TOGARAM2: variants seen among roughly 807,000 people sequenced by gnomAD.
The protein encoded by TOGARAM2 is TOG array regulator of axonemal microtubules 2.
Under a neutral mutation model 93.3 loss-of-function variants are expected in TOGARAM2, and 85 were observed. That is an observed-to-expected ratio of 0.91 (90% confidence interval 0.76 to 1.09). The LOEUF (loss-of-function observed/expected upper bound fraction) is 1.09. TOGARAM2 is among the 50% of genes least tolerant of loss of function. The probability of loss-of-function intolerance (pLI) is 0.00; values close to 1 mark genes in which losing one functional copy is unlikely to be tolerated. For missense variants in TOGARAM2, 1,277 were observed against 1,334.5 expected, an observed-to-expected ratio of 0.96 and a Z score of 0.67; for synonymous variants, 593 against 552.8, an observed-to-expected ratio of 1.07 and a Z score of -1.02.
intron 1 of TOGARAM2, among the ~76,000 whole-genome samples, chr2:28,984,162 T>A (rs985516605): frequency 2.0e-5 from 3 of 152,240 alleles, no homozygotes; most frequent in South Asian, 2.1e-4. Flanking sequence ...GTTTCCCATT[T>A]CGTGTTTTAA....
intron 16 of TOGARAM2, among the ~76,000 whole-genome samples, chr2:29,034,201 GA>G (rs142811695): frequency 0.021 from 3,133 of 152,274 alleles, 117 homozygotes; most frequent in African/African-American, 0.071. Flanking sequence ...CAGCACCTGG[GA>G]TAAGCAAAAC....
chr2:28,959,158 C>G (rs1383323265), intron 1 of TOGARAM2, among the ~76,000 whole-genome samples: 1 of 152,198 alleles, frequency 6.6e-6, no homozygotes, highest in Non-Finnish European at 1.5e-5. Flanking sequence ...GCTACAGATG[C>G]TAACCCGAAA....
At chr2:29,022,424 G>C (rs1038256029) in intron 11 of TOGARAM2, 116 bp downstream of exon 11, 2 of 1,423,766 alleles carry the variant, frequency 1.4e-6, no homozygotes, top group Non-Finnish European at 1.9e-6. Context: ...GCACCATGGA[G>C]CATAAAAGCC....
In TOGARAM2 at chr2:29,000,581, T is replaced by A. The variant is rs181736204; in HGVS notation, c.427+1113T>A. Among the ~76,000 whole-genome samples, 374 of 152,314 alleles carry A rather than the reference T, an allele frequency of 2.5e-3. 1 individual carries two copies. Among genetic ancestry groups the A allele is most frequent in the Middle Eastern group, 6.8e-3 (2 of 294 alleles). On this transcript the variant is annotated intron_variant, in intron 4 of 19. Transcript: ENST00000379558. ...ACGGGCTCTTTTCAGCGGAATGAAC[T>A]CTTGGGTAACAAGAGCAATAAGAAG...
intron 14 of TOGARAM2, 54 bp downstream of exon 14, chr2:29,027,065 T>C (rs1665432023): frequency 4.0e-6 from 6 of 1,481,546 alleles, no homozygotes; most frequent in Admixed American, 2.3e-5. Context: ...CAGCCAGCCC[T>C]GAGGGGCCTG....
chr2:29,026,655 G>A (rs1311380429), intron 13 of TOGARAM2, among the ~76,000 whole-genome samples, 198 bp from the exon 14 acceptor site: 4 of 152,196 alleles, frequency 2.6e-5, no homozygotes, highest in African/African-American at 4.8e-5. Flanking sequence ...TCCCTCTCCC[G>A]TTGTTGCTGT....
At chr2:29,018,145 C>A in intron 10 of TOGARAM2, 189 bp downstream of exon 10, 1 of 644,712 alleles carries the variant, frequency 1.6e-6, no homozygotes, top group Non-Finnish European at 2.5e-6. Context: ...TCATTGTCTA[C>A]AGGCTGGGCT....
At chr2:28,991,696 G>A (rs1386049651) in intron 1 of TOGARAM2, among the ~76,000 whole-genome samples, 1 of 152,158 alleles carries the variant, frequency 6.6e-6, no homozygotes, top group Non-Finnish European at 1.5e-5. Flanking sequence ...TGGACTGTGC[G>A]AGGCCCGGGT....
Position 29,044,467 on chromosome 2 carries a change from C to T in TOGARAM2, c.2636-857C>T, listed in dbSNP as rs181143422. Among the ~76,000 whole-genome samples, 393 of 152,266 alleles carry T rather than the reference C, an allele frequency of 2.6e-3. 2 individuals are homozygous for T. Among genetic ancestry groups the T allele is most frequent in the African/African-American group, 8.4e-3 (350 of 41,556 alleles). On this transcript the variant is annotated intron_variant, in intron 18 of 19. Transcript: ENST00000379558. ...CCAGAGCCAGCCGGGTGCTTCTGCT[C>T]TGGATAGGATGACCAAGCATCCTGG...
intron 12 of TOGARAM2, 110 bp downstream of exon 12, chr2:29,023,301 C>T (rs1665097264): frequency 5.7e-6 from 5 of 883,794 alleles, no homozygotes; most frequent in Non-Finnish European, 8.7e-6. Context: ...GGGATCCCTG[C>T]TTATTTCTCA....
chr2:29,022,626 C>T (rs545697672), intron 11 of TOGARAM2, among the ~76,000 whole-genome samples: 6 of 152,310 alleles, frequency 3.9e-5, no homozygotes, highest in South Asian at 4.2e-4. Flanking sequence ...CCAGGAAGGC[C>T]GCAGCCCTTT....
At chr2:29,012,078 A>C (rs1256775374) in intron 7 of TOGARAM2, among the ~76,000 whole-genome samples, 1 of 152,204 alleles carries the variant, frequency 6.6e-6, no homozygotes, top group Non-Finnish European at 1.5e-5. Flanking sequence ...GAGAGGGGAC[A>C]GGGCAGGGTA....
intron 3 of TOGARAM2, 91 bp from the exon 4 acceptor site, chr2:28,999,090 G>A (rs1572661527): frequency 1.5e-6 from 2 of 1,370,656 alleles, no homozygotes; most frequent in East Asian, 2.4e-5. Flanking sequence ...GTGGCTGCCT[G>A]TTAGAAGGAA....
chr2:28,994,991 C>A, intron 2 of TOGARAM2, 129 bp downstream of exon 2: 1 of 1,157,976 alleles, frequency 8.6e-7, no homozygotes, highest in Non-Finnish European at 1.2e-6. Context: ...AGCCAGGTGG[C>A]CGTGCCTTTC....
intron 4 of TOGARAM2, 107 bp downstream of exon 4, chr2:28,999,575 G>A (rs1673178249): frequency 1.5e-6 from 2 of 1,305,760 alleles, no homozygotes; most frequent in Non-Finnish European, 2.1e-6. Flanking sequence ...ATGCTGGGAT[G>A]CCCTGGGGGT....
Position 29,051,856 on chromosome 2 carries a change from C to A in TOGARAM2, c.2823C>A (p.Thr941=). Residue 941 remains threonine, a synonymous_variant, in exon 20 of 20, where the codon ACC becomes ACA. Coordinates refer to ENST00000379558, the MANE Select transcript of TOGARAM2 (RefSeq NM_199280.4). Reference sequence around the variant, plus strand: ...TGAACACCGCCACCAGGAATGGCACCCTGCCTGGACCCAGCGGGAACATCC... The same window carrying A: ...TGAACACCGCCACCAGGAATGGCACACTGCCTGGACCCAGCGGGAACATCC... ...HFLNTATRNG[T]LPGPSGNIRG... is the part of the protein sequence containing the mutation. The A allele has an allele frequency of 1.9e-6, 3 of 1,568,486 alleles. No homozygotes were observed. The highest frequency in any genetic ancestry group is 2.7e-5 in the African/African-American group (2 of 73,808).
chr2:28,959,270 A>T (rs1167548969), intron 1 of TOGARAM2, among the ~76,000 whole-genome samples: 1 of 152,172 alleles, frequency 6.6e-6, no homozygotes, highest in African/African-American at 2.4e-5. Flanking sequence ...GTCCTTAAAT[A>T]GTGAAGTAAT....
At chr2:29,011,356 C>T (rs916473999) in intron 6 of TOGARAM2, 99 bp from the exon 7 acceptor site, 4 of 1,019,822 alleles carry the variant, frequency 3.9e-6, no homozygotes, top group Admixed American at 4.9e-5. Flanking sequence ...TGTCCCCCAT[C>T]TCGGCCATTG....
intron 2 of TOGARAM2, 137 bp from the exon 3 acceptor site, chr2:28,998,006 C>T (rs1475140034): frequency 3.6e-6 from 2 of 548,828 alleles, no homozygotes; most frequent in Non-Finnish European, 3.2e-6. Flanking sequence ...GGGGTGGGGC[C>T]ACCACATGCC....
Sources: allele counts gnomAD v4.1 joint callset (sites outside exome capture counted in the v4.1 genomes callset), GRCh38; gene constraint gnomAD v4.1.1; transcripts MANE v1.5; gene names NCBI Gene and HGNC (gene_info 2026-07-23, HGNC 2026-07-21).